WDR76: variants seen among roughly 807,000 people sequenced by gnomAD.
WDR76 encodes the protein WD repeat domain 76, also known as WD repeat-containing protein 76.
Under a neutral mutation model 70.2 loss-of-function variants are expected in WDR76, and 52 were observed. The observed-to-expected ratio is 0.74, with a 90% confidence interval of 0.59 to 0.93. WDR76 has a LOEUF of 0.93. Among genes scored for constraint, WDR76 ranks in the 40% least tolerant of loss-of-function variants. WDR76 has a pLI of 0.00. For missense variants in WDR76, 756 were observed against 760.2 expected, an observed-to-expected ratio of 0.99 and a Z score of 0.07; for synonymous variants, 292 against 271.1, an observed-to-expected ratio of 1.08 and a Z score of -0.76.
chr15:43,862,349 A>T (rs2088011721), intron 12 of WDR76, among the ~76,000 whole-genome samples: 1 of 115,104 alleles, frequency 8.7e-6, no homozygotes, highest in Non-Finnish European at 1.6e-5. Context: ...ATAGAGTCTC[A>T]CTTTGTAGCC....
At chr15:43,859,348 C>T (rs1430316261) in intron 11 of WDR76, among the ~76,000 whole-genome samples, 1 of 152,010 alleles carries the variant, frequency 6.6e-6, no homozygotes, top group African/African-American at 2.4e-5. Flanking sequence ...ACCAATCGAA[C>T]AAAAAACAGA....
chr15:43,841,103 C>T (rs1315073845), intron 5 of WDR76, among the ~76,000 whole-genome samples: 2 of 151,466 alleles, frequency 1.3e-5, no homozygotes, highest in Non-Finnish European at 2.9e-5. Flanking sequence ...TCACTGCAAC[C>T]TCCGCCTCCC....
At chr15:43,844,480 C>T (rs1050269013) in intron 8 of WDR76, among the ~76,000 whole-genome samples, 2 of 151,422 alleles carry the variant, frequency 1.3e-5, no homozygotes, top group African/African-American at 4.9e-5. Flanking sequence ...ATTAGCTGGG[C>T]GTGGTGGTAG....
intron 4 of WDR76, among the ~76,000 whole-genome samples, chr15:43,836,617 A>G (rs1412488172): frequency 6.6e-6 from 1 of 152,200 alleles, no homozygotes; most frequent in Non-Finnish European, 1.5e-5. Flanking sequence ...TTTATTGAAT[A>G]TCTCTGAAAC....
intron 2 of WDR76, among the ~76,000 whole-genome samples, chr15:43,829,125 C>T (rs1456938751): frequency 2.0e-5 from 3 of 152,112 alleles, no homozygotes; most frequent in Non-Finnish European, 4.4e-5. Flanking sequence ...TGGTCTCTAA[C>T]TCCTGACCTT....
intron 11 of WDR76, among the ~76,000 whole-genome samples, 197 bp downstream of exon 11, chr15:43,859,020 C>T (rs1187179573): frequency 6.6e-6 from 1 of 152,120 alleles, no homozygotes; most frequent in Non-Finnish European, 1.5e-5. Flanking sequence ...TGGAAATTTC[C>T]TTGAGACTGG....
rs71421806 is a variant in WDR76, at chr15:43,850,267, T to TTTTTATTTTATTTTATTTTA, written c.1033-795_1033-776dup. 2.9e-3 allele frequency among the ~76,000 whole-genome samples: 432 copies of TTTTTATTTTATTTTATTTTA among 148,396 alleles called. 3 individuals are homozygous for TTTTTATTTTATTTTATTTTA. Among genetic ancestry groups the TTTTTATTTTATTTTATTTTA allele is most frequent in the African/African-American group, 6.4e-3 (259 of 40,206 alleles). ...ATACATGCATTTTTATGGTGTTATT[T>TTTTTATTTTATTTTATTTTA]TTTTATTTTATTTTATTTTATTTTA... On this transcript the variant is annotated intron_variant, in intron 8 of 12. Coordinates refer to ENST00000263795, the MANE Select transcript of WDR76 (RefSeq NM_024908.4).
At chr15:43,856,718 G>C (rs541460571) in intron 9 of WDR76, among the ~76,000 whole-genome samples, 2 of 151,810 alleles carry the variant, frequency 1.3e-5, no homozygotes, top group African/African-American at 4.8e-5. Context: ...CCAGAAGAGA[G>C]GACTTGAAAT....
In WDR76 at chr15:43,858,669, A is replaced by T. The variant is rs778047650; in HGVS notation, c.1410-2A>T. The T allele has an allele frequency of 1.2e-6, 2 of 1,613,522 alleles. No individual in the cohort carries two copies. The highest frequency in any genetic ancestry group is 2.2e-5 in the South Asian group (2 of 90,944). ...CATTGATCATTGTTTCTCCCATTAC[A>T]GGGATACTCATATTTATGATGCAAG... On this transcript the variant is annotated splice_acceptor_variant, in intron 10 of 12. Coordinates refer to ENST00000263795, the MANE Select transcript of WDR76 (RefSeq NM_024908.4). LOFTEE classifies it high-confidence loss of function.
rs934040122 is a variant in WDR76 at position 43,843,958 on chromosome 15, C to T, written c.936C>T (p.Thr312=). 2 of 1,611,894 alleles carry T rather than the reference C, an allele frequency of 1.2e-6. No individual in the cohort carries two copies. Among genetic ancestry groups the T allele is most frequent in the Non-Finnish European group, 1.7e-6 (2 of 1,178,898 alleles). Residue 312 remains threonine, a synonymous_variant, in exon 8 of 13, where the codon ACC becomes ACT. Transcript: ENST00000263795. ...GTGAAGATACCGTTTACAAAGTTACCACAGGCCCAATATTCTCTATGGCTC... is the reference window on the plus strand; with the variant it reads ...GTGAAGATACCGTTTACAAAGTTACTACAGGCCCAATATTCTCTATGGCTC... The part of the protein sequence containing the change: ...VISEDTVYKV[T]TGPIFSMALH...
chr15:43,841,680 A>C (rs1463246633), intron 5 of WDR76, among the ~76,000 whole-genome samples: 1 of 152,062 alleles, frequency 6.6e-6, no homozygotes, highest in Non-Finnish European at 1.5e-5. Flanking sequence ...ACAAATTGCT[A>C]GTTGTGACAT....
chr15:43,860,910 C>CTT (rs34504509), intron 11 of WDR76, among the ~76,000 whole-genome samples: 7,183 of 78,974 alleles, frequency 0.091, 1,571 homozygotes, highest in African/African-American at 0.12. Flanking sequence ...TGATCTTACT[C>CTT]TTTTTTTTTT....
rs970532495 is a variant in WDR76 at position 43,845,812 on chromosome 15, A to G, written c.1032+1758A>G. Among the ~76,000 whole-genome samples the G allele has an allele frequency of 2.7e-5, 4 of 150,580 alleles. 1 individual carries two copies. The highest frequency in any genetic ancestry group is 4.2e-4 in the South Asian group (2 of 4,796). On this transcript the variant is annotated intron_variant, in intron 8 of 12. Coordinates refer to ENST00000263795, the MANE Select transcript of WDR76 (RefSeq NM_024908.4). ...TAATGTTCTCTGAATTTATTTTCTT[A>G]TTGGGGAAGAAGACCAAAGACATGA...
intron 8 of WDR76, among the ~76,000 whole-genome samples, chr15:43,845,287 G>A (rs2140304289): frequency 6.7e-6 from 1 of 150,272 alleles, no homozygotes; most frequent in African/African-American, 2.4e-5. Flanking sequence ...AATATGGTCT[G>A]CTATGGTCTG....
At chr15:43,862,023 C>T (rs1321044165) in intron 12 of WDR76, among the ~76,000 whole-genome samples, 10 of 151,200 alleles carry the variant, frequency 6.6e-5, no homozygotes, top group South Asian at 2.1e-4. Flanking sequence ...TCTTTAGTAG[C>T]GACGGGGTTT....
intron 8 of WDR76, among the ~76,000 whole-genome samples, chr15:43,847,948 G>C (rs2087809126): frequency 1.3e-5 from 2 of 152,094 alleles, no homozygotes; most frequent in Non-Finnish European, 2.9e-5. Context: ...CCTCATGCTG[G>C]CTGGGTGCAG....
At position 43,827,068 on chromosome 15, in the gene WDR76, C is replaced by T; in HGVS notation, c.36C>T (p.Asp12=). 1.2e-6 allele frequency: 2 copies of T among 1,614,184 alleles called. No homozygotes were observed. The highest frequency in any genetic ancestry group is 1.7e-6 in the Non-Finnish European group (2 of 1,180,038). The change falls in exon 1 of 13, where the codon GAC becomes GAT. Residue 12 remains aspartate, a synonymous_variant. Transcript: ENST00000263795. The part of the protein sequence containing the change: ...SRSGAAAEKA[D]SRQRPQMKVN... Reference sequence around the variant, plus strand: ...CGGGCGCGGCGGCTGAGAAGGCGGACTCCAGACAGCGACCCCAGATGAAGG... The same window carrying T: ...CGGGCGCGGCGGCTGAGAAGGCGGATTCCAGACAGCGACCCCAGATGAAGG...
Position 43,828,145 on chromosome 15 carries a change from T to A in WDR76, c.241T>A (p.Cys81Ser). Residue 81 changes from cysteine to serine, a missense_variant, in exon 2 of 13, where the codon TGT becomes AGT. Cys to Ser is a moderately radical substitution (Grantham distance 112). Transcript: ENST00000263795. The stretch of plus-strand genomic sequence containing the variant: ...AAAGAATTCTAACAATGAAGTGGCG[T>A]GTAAGAAGACTAAAATAAAGAAAAC... ...SEKNSNNEVA[C>S]KKTKIKKTCR... The A allele has an allele frequency of 6.2e-7, 1 of 1,614,134 alleles. No individual in the cohort carries two copies.
chr15:43,861,272 G>A, intron 11 of WDR76, 61 bp from the exon 12 acceptor site: 1 of 1,308,736 alleles, frequency 7.6e-7, no homozygotes. Flanking sequence ...TAAATACACT[G>A]ATATTTATTT....
Sources: allele counts gnomAD v4.1 joint callset (sites outside exome capture counted in the v4.1 genomes callset), GRCh38; gene constraint gnomAD v4.1.1; transcripts MANE v1.5; gene names NCBI Gene and HGNC (gene_info 2026-07-23, HGNC 2026-07-21).